Variants in AKAP19 observed in about 807,000 individuals in gnomAD.
AKAP19 encodes A-kinase anchoring protein 19.
At chr2:190,040,137 C>T in the AKAP19 span, among the ~76,000 whole-genome samples, 2 of 152,224 alleles carry the variant, frequency 1.3e-5, no homozygotes, top group Non-Finnish European at 2.9e-5. Context: ...TACACTCCCA[C>T]CAACGGCGTA....
At chr2:189,930,494 T>C in the AKAP19 span, 13 of 215,576 alleles carry the variant, frequency 6.0e-5, 1 homozygote, top group African/African-American at 2.8e-4. Flanking sequence ...CTGGCCAACA[T>C]AGTGAAACCC....
chr2:190,102,668 A>T, the AKAP19 span, among the ~76,000 whole-genome samples: 5 of 152,108 alleles, frequency 3.3e-5, no homozygotes, highest in African/African-American at 1.2e-4. Context: ...ACCAATACTG[A>T]GTTTCATAGT....
the AKAP19 span, among the ~76,000 whole-genome samples, chr2:189,924,520 A>G: frequency 5.9e-5 from 9 of 152,268 alleles, no homozygotes; most frequent in Admixed American, 6.5e-5. Context: ...ACTGTCTCCA[A>G]AATAATCTCT....
the AKAP19 span, among the ~76,000 whole-genome samples, chr2:190,193,655 G>T: frequency 6.6e-6 from 1 of 152,028 alleles, no homozygotes; most frequent in African/African-American, 2.4e-5. Context: ...ATTCCTGTTT[G>T]CCTTTTAAAC....
chr2:190,051,751 C>A, the AKAP19 span, among the ~76,000 whole-genome samples: 1 of 152,080 alleles, frequency 6.6e-6, no homozygotes, highest in Admixed American at 6.6e-5. Context: ...ATTTTACTGG[C>A]GTATCTACAG....
At chr2:190,171,377 G>A in the AKAP19 span, among the ~76,000 whole-genome samples, 1 of 152,112 alleles carries the variant, frequency 6.6e-6, no homozygotes, top group African/African-American at 2.4e-5. Flanking sequence ...AAATGATCAT[G>A]GTTTTCTTAG....
chr2:189,925,188 G>T, the AKAP19 span, among the ~76,000 whole-genome samples: 1 of 152,080 alleles, frequency 6.6e-6, no homozygotes, highest in Non-Finnish European at 1.5e-5. Flanking sequence ...TGTCCAACTG[G>T]ATGTCTTTTA....
chr2:190,123,002 A>G, the AKAP19 span, among the ~76,000 whole-genome samples: 1 of 151,936 alleles, frequency 6.6e-6, no homozygotes, highest in African/African-American at 2.4e-5. Flanking sequence ...TGTAGAGACA[A>G]GATCTCGCTA....
chr2:190,052,461 T>A, the AKAP19 span, among the ~76,000 whole-genome samples: 8 of 152,314 alleles, frequency 5.3e-5, no homozygotes, highest in Middle Eastern at 6.8e-3. Flanking sequence ...TGAAATCATG[T>A]AGGCATACTT....
At chr2:190,105,240 C>T in the AKAP19 span, among the ~76,000 whole-genome samples, 4 of 152,160 alleles carry the variant, frequency 2.6e-5, no homozygotes, top group East Asian at 1.9e-4. Context: ...AGGTGCCCAT[C>T]GATGGTAGAT....
the AKAP19 span, among the ~76,000 whole-genome samples, chr2:190,001,381 T>C: frequency 6.6e-6 from 1 of 152,190 alleles, no homozygotes; most frequent in Non-Finnish European, 1.5e-5. Context: ...CTTCCCTGTT[T>C]CTTTGCATGC....
At chr2:189,879,985 C>A in the AKAP19 span, among the ~76,000 whole-genome samples, 1 of 152,112 alleles carries the variant, frequency 6.6e-6, no homozygotes, top group East Asian at 1.9e-4. Flanking sequence ...TCTGGCCAGA[C>A]CTAGGAGGTT....
the AKAP19 span, among the ~76,000 whole-genome samples, chr2:190,035,671 G>A: frequency 1.3e-5 from 2 of 148,492 alleles, no homozygotes; most frequent in Middle Eastern, 3.2e-3. Flanking sequence ...TGTCATATAA[G>A]TTGGCTCAAA....
chr2:189,913,395 AT>A, the AKAP19 span, among the ~76,000 whole-genome samples: 1 of 152,106 alleles, frequency 6.6e-6, no homozygotes, highest in Admixed American at 6.6e-5. Flanking sequence ...TAGATTAAAA[AT>A]TATCCAGATT....
chr2:190,169,492 T>A, the AKAP19 span, among the ~76,000 whole-genome samples: 1 of 152,326 alleles, frequency 6.6e-6, no homozygotes, highest in East Asian at 1.9e-4. Flanking sequence ...GTTTCACTGA[T>A]AACAGAGTAA....
chr2:190,034,775 A>G, the AKAP19 span, among the ~76,000 whole-genome samples: 1 of 146,520 alleles, frequency 6.8e-6, no homozygotes, highest in South Asian at 2.2e-4. Context: ...AATCGCTTGA[A>G]CCGGGGAGGC....
chr2:189,908,649 T>C, the AKAP19 span, among the ~76,000 whole-genome samples: 1 of 152,230 alleles, frequency 6.6e-6, no homozygotes, highest in Non-Finnish European at 1.5e-5. Context: ...AATGTCCACG[T>C]ATTTGGGGAT....
chr2:190,065,098 A>T, the AKAP19 span, among the ~76,000 whole-genome samples: 1 of 152,032 alleles, frequency 6.6e-6, no homozygotes, highest in Admixed American at 6.6e-5. Flanking sequence ...CTATAAACAA[A>T]TTCCCTTTTT....
At chr2:189,933,770 T>A in the AKAP19 span, among the ~76,000 whole-genome samples, 1 of 152,162 alleles carries the variant, frequency 6.6e-6, no homozygotes, top group African/African-American at 2.4e-5. Flanking sequence ...TTATCTGATT[T>A]TTTAAAAACC....
Sources: gnomAD v4.1 joint callset for allele counts (sites outside exome capture counted in the v4.1 genomes callset) on GRCh38, gnomAD v4.1.1 for gene constraint, MANE v1.5 for transcripts, NCBI Gene and HGNC (gene_info 2026-07-23, HGNC 2026-07-21) for gene names.